IQCK: variants seen among roughly 807,000 people sequenced by gnomAD.
IQCK encodes the protein IQ motif containing K.
In IQCK, 29 loss-of-function variants were observed where a neutral mutation model predicts 28.1. The ratio of observed to expected loss-of-function variants is 1.03; its 90% CI spans 0.77 to 1.41. IQCK has a LOEUF of 1.41. Among genes scored for constraint, IQCK ranks in the 40% most tolerant of loss-of-function variants. IQCK has a pLI of 0.00. For synonymous variants in IQCK, 113 were observed against 115.1 expected (o/e 0.98, Z 0.12); for missense variants, 359 against 314.7 (o/e 1.14, Z -1.07).
chr16:19,741,069 G>C (rs979044407), intron 4 of IQCK, among the ~76,000 whole-genome samples: 1 of 152,024 alleles, frequency 6.6e-6, no homozygotes, highest in African/African-American at 2.4e-5. Context: ...GCTGTGTGCT[G>C]ATCATGAGGC....
intron 4 of IQCK, among the ~76,000 whole-genome samples, chr16:19,760,541 C>T (rs1489964606): frequency 7.2e-5 from 11 of 152,182 alleles, no homozygotes; most frequent in Admixed American, 3.9e-4. Flanking sequence ...CCAATACAGT[C>T]ATATTCTGAG....
At chr16:19,739,651 C>CA (rs1380182504) in intron 4 of IQCK, among the ~76,000 whole-genome samples, 2 of 152,126 alleles carry the variant, frequency 1.3e-5, no homozygotes, top group Admixed American at 6.6e-5. Context: ...CCCATCTCTA[C>CA]AAAAAATACG....
chr16:19,817,950 C>T (rs1176431080), intron 7 of IQCK, among the ~76,000 whole-genome samples: 1 of 152,166 alleles, frequency 6.6e-6, no homozygotes, highest in Non-Finnish European at 1.5e-5. Context: ...CTAGACCTTC[C>T]TTTAATGATT....
chr16:19,802,749 ACAT>A (rs2055775495), intron 7 of IQCK, among the ~76,000 whole-genome samples: 1 of 152,190 alleles, frequency 6.6e-6, no homozygotes, highest in Admixed American at 6.5e-5. Context: ...ATGGAGTCAT[ACAT>A]CATGTAGCCT....
chr16:19,733,131 TTTTA>T (rs966069745), intron 2 of IQCK, among the ~76,000 whole-genome samples: 5 of 152,042 alleles, frequency 3.3e-5, no homozygotes, highest in African/African-American at 7.2e-5. Context: ...CTCTTGCTTC[TTTTA>T]TTTATTTATT....
At chr16:19,842,958 G>C (rs2056377904) in intron 9 of IQCK, among the ~76,000 whole-genome samples, 1 of 152,126 alleles carries the variant, frequency 6.6e-6, no homozygotes, top group Non-Finnish European at 1.5e-5. Context: ...CCTGGCCCGG[G>C]GGAGTTGTCA....
At chr16:19,802,948 A>T (rs1449783388) in intron 7 of IQCK, among the ~76,000 whole-genome samples, 1 of 151,958 alleles carries the variant, frequency 6.6e-6, no homozygotes, top group Admixed American at 6.6e-5. Flanking sequence ...TTTACGTAAG[A>T]CTCGTTTATT....
exon 3 of IQCK, chr16:19,733,775 C>T: frequency 6.2e-7 from 1 of 1,614,166 alleles, no homozygotes; most frequent in Non-Finnish European, 8.5e-7. Context: ...TCACCATGAT[C>T]TCACGTACAC....
At chr16:19,832,276 CAGAT>C (rs1489508958) in intron 9 of IQCK, among the ~76,000 whole-genome samples, 2 of 151,778 alleles carry the variant, frequency 1.3e-5, no homozygotes, top group African/African-American at 4.8e-5. Flanking sequence ...TATATATCAT[CAGAT>C]AAATTTATCA....
intron 1 of IQCK, among the ~76,000 whole-genome samples, chr16:19,721,825 G>A (rs1401629199): frequency 3.3e-5 from 5 of 152,122 alleles, no homozygotes; most frequent in Non-Finnish European, 7.4e-5. Flanking sequence ...CAGTCAGCCC[G>A]CCTCATCCTC....
intron 4 of IQCK, among the ~76,000 whole-genome samples, chr16:19,762,824 T>C (rs2055168045): frequency 6.6e-6 from 1 of 152,124 alleles, no homozygotes; most frequent in Admixed American, 6.5e-5. Context: ...AAGACCAGCC[T>C]GGGCAACATG....
chr16:19,759,586 G>A (rs2030641723), intron 4 of IQCK, among the ~76,000 whole-genome samples: 1 of 152,178 alleles, frequency 6.6e-6, no homozygotes, highest in African/African-American at 2.4e-5. Context: ...CAGAGCTTAT[G>A]ATTCACTAGG....
chr16:19,827,940 C>G (rs1290016019), downstream of IQCK, among the ~76,000 whole-genome samples: 1 of 151,668 alleles, frequency 6.6e-6, no homozygotes, highest in Non-Finnish European at 1.5e-5. Context: ...GAGACAGAGT[C>G]TCACTCTGTT....
intron 2 of IQCK, among the ~76,000 whole-genome samples, chr16:19,731,476 T>C (rs1382662569): frequency 6.6e-6 from 1 of 152,240 alleles, no homozygotes; most frequent in East Asian, 1.9e-4. Flanking sequence ...TAGCATCCTG[T>C]TCTTGCTTTA....
chr16:19,815,558 C>G (rs1188022723), intron 7 of IQCK, among the ~76,000 whole-genome samples: 2 of 152,084 alleles, frequency 1.3e-5, no homozygotes, highest in Non-Finnish European at 2.9e-5. Context: ...GTAGTACCAG[C>G]TAGATGGGAG....
chr16:19,828,925 T>C (rs1408213169), downstream of IQCK, among the ~76,000 whole-genome samples: 2 of 143,638 alleles, frequency 1.4e-5, no homozygotes, highest in African/African-American at 5.0e-5. Context: ...TTTATATATA[T>C]AATTAAATAT....
At chr16:19,736,739 T>C (rs1441821629) in intron 4 of IQCK, among the ~76,000 whole-genome samples, 2 of 151,484 alleles carry the variant, frequency 1.3e-5, no homozygotes, top group Admixed American at 1.3e-4. Context: ...GTGAGCTTCC[T>C]TCTATTATTA....
At chr16:19,755,399 A>T (rs1243520978) in intron 4 of IQCK, among the ~76,000 whole-genome samples, 9 of 152,228 alleles carry the variant, frequency 5.9e-5, no homozygotes, top group Non-Finnish European at 1.2e-4. Context: ...AACTAGTCCT[A>T]TCAGATTCTC....
rs201143638 is a variant in IQCK, at chr16:19,819,491, T to TA, written c.691-7520dup. 1,250 of 140,808 alleles carry TA rather than the reference T, an allele frequency of 8.9e-3. 17 individuals carry two copies. Among genetic ancestry groups the TA allele is most frequent in the East Asian group, 0.033 (158 of 4,852 alleles). The allele number at this position is 140,808 out of a possible 1,614,324, so 8.7% of individuals were successfully genotyped here. A position where few individuals can be genotyped will look rare whatever the true frequency, so the allele number is the denominator to read the frequency against. On this transcript the variant is annotated intron_variant, in intron 7 of 7. Coordinates refer to ENST00000564186, the Ensembl canonical transcript of IQCK. ...CTGGGTGACAGAGTGAGACTCCATC[T>TA]AAAAAAAAAAAAAAATTTCACAAGG...
Sources: allele counts gnomAD v4.1 joint callset (sites outside exome capture counted in the v4.1 genomes callset), GRCh38; gene constraint gnomAD v4.1.1; transcripts MANE v1.5; gene names NCBI Gene and HGNC (gene_info 2026-07-23, HGNC 2026-07-21).